The following GPC5 variants were observed in gnomAD, a reference collection of about 807,000 sequenced individuals.
GPC5 encodes the protein glypican 5.
A neutral mutation model predicts 53.9 loss-of-function variants in GPC5; 47 were observed. The ratio of observed to expected loss-of-function variants is 0.87; its 90% CI spans 0.69 to 1.11. GPC5 has a LOEUF of 1.11. Ranked by LOEUF, GPC5 falls within the 50% of genes most tolerant of loss-of-function variation. The pLI is 0.00. For missense variants in GPC5, 748 were observed against 713.1 expected (o/e 1.05, Z -0.56); for synonymous variants, 286 against 263.3 (o/e 1.09, Z -0.84).
At chr13:92,444,940 C>T (rs1482687714) in intron 7 of GPC5, among the ~76,000 whole-genome samples, 4 of 152,050 alleles carry the variant, frequency 2.6e-5, no homozygotes, top group African/African-American at 7.2e-5. Context: ...TATCAATGAT[C>T]TTAGCAGGTG....
intron 7 of GPC5, among the ~76,000 whole-genome samples, chr13:92,698,043 C>A (rs893177382): frequency 2.3e-4 from 35 of 152,022 alleles, no homozygotes; most frequent in African/African-American, 8.2e-4. Flanking sequence ...ATCCCAGGGA[C>A]GAAGCTGACT....
At chr13:91,759,415 A>C (rs2037363412) in intron 5 of GPC5, among the ~76,000 whole-genome samples, 1 of 152,072 alleles carries the variant, frequency 6.6e-6, no homozygotes, top group Non-Finnish European at 1.5e-5. Context: ...AAAATGTACA[A>C]TAAATTATTG....
At chr13:92,808,387 G>A (rs1422616555) in intron 7 of GPC5, among the ~76,000 whole-genome samples, 4 of 152,026 alleles carry the variant, frequency 2.6e-5, no homozygotes, top group African/African-American at 4.8e-5. Context: ...CCAAGTAATA[G>A]CAGAGAGTTC....
At chr13:92,214,276 A>G (rs1485022865) in intron 7 of GPC5, among the ~76,000 whole-genome samples, 1 of 152,222 alleles carries the variant, frequency 6.6e-6, no homozygotes, top group Non-Finnish European at 1.5e-5. Context: ...GTTTCTTACA[A>G]ATGACTTTAA....
intron 1 of GPC5, among the ~76,000 whole-genome samples, chr13:91,428,132 A>T (rs554467373): frequency 2.6e-5 from 4 of 152,230 alleles, no homozygotes; most frequent in Middle Eastern, 3.4e-3. Flanking sequence ...CTATTGTTGC[A>T]GTTTCTTTGC....
chr13:91,936,877 A>T (rs1413942386), intron 6 of GPC5, among the ~76,000 whole-genome samples: 1 of 152,008 alleles, frequency 6.6e-6, no homozygotes, highest in Non-Finnish European at 1.5e-5. Context: ...TTTCCAAGCC[A>T]GTCATCCATT....
At chr13:92,479,391 C>T (rs117661314) in intron 7 of GPC5, among the ~76,000 whole-genome samples, 226 of 152,260 alleles carry the variant, frequency 1.5e-3, no homozygotes, top group Non-Finnish European at 2.7e-3. Context: ...ACATTTTGGA[C>T]AAGAACAGAA....
intron 6 of GPC5, among the ~76,000 whole-genome samples, chr13:92,113,812 TA>T (rs1406335377): frequency 6.7e-6 from 1 of 149,204 alleles, no homozygotes; most frequent in Non-Finnish European, 1.5e-5. Context: ...TAAATAAGTA[TA>T]AAGAAGAATT....
At chr13:91,572,001 A>G (rs185740394) in intron 2 of GPC5, among the ~76,000 whole-genome samples, 1 of 143,996 alleles carries the variant, frequency 6.9e-6, no homozygotes, top group African/African-American at 2.5e-5. Context: ...GTATATGTGT[A>G]TATATGCATA....
intron 7 of GPC5, among the ~76,000 whole-genome samples, chr13:92,724,168 TAG>T (rs1214098599): frequency 2.0e-5 from 3 of 151,536 alleles, no homozygotes; most frequent in African/African-American, 7.2e-5. Flanking sequence ...AAAATTATTC[TAG>T]GTCAAAAAAT....
At chr13:92,625,835 T>A (rs1487656298) in intron 7 of GPC5, among the ~76,000 whole-genome samples, 4 of 152,206 alleles carry the variant, frequency 2.6e-5, no homozygotes, top group African/African-American at 7.2e-5. Context: ...GACAGAGGCA[T>A]CCTTGAGACT....
At chr13:92,681,498 C>T (rs1485246381) in intron 7 of GPC5, among the ~76,000 whole-genome samples, 1 of 151,998 alleles carries the variant, frequency 6.6e-6, no homozygotes, top group Non-Finnish European at 1.5e-5. Context: ...CCATCCCCAC[C>T]TGTAATCCAG....
At position 91,620,671 on chromosome 13, in the gene GPC5, G is replaced by T. The variant is rs192980052; in HGVS notation, c.326-72516G>T. ...GGCCATGATGCCTCTGAATATGCTA[G>T]CTGCCAGGCTTGTAGATTTTCATCT... On this transcript the variant is annotated intron_variant, in intron 2 of 7. Coordinates refer to ENST00000377067, the MANE Select transcript of GPC5 (RefSeq NM_004466.6). Among the ~76,000 whole-genome samples, 5 of 152,244 alleles carry T rather than the reference G, an allele frequency of 3.3e-5. No homozygotes were observed. The East Asian group carries it at 9.7e-4, about 29-fold the overall frequency.
intron 6 of GPC5, among the ~76,000 whole-genome samples, chr13:92,051,503 A>G (rs1444276407): frequency 1.3e-5 from 2 of 151,686 alleles, no homozygotes; most frequent in Non-Finnish European, 2.9e-5. Flanking sequence ...CCCGGACGAG[A>G]CTGCATTTCT....
intron 7 of GPC5, among the ~76,000 whole-genome samples, chr13:92,445,695 T>C (rs540489829): frequency 1.4e-4 from 21 of 152,032 alleles, no homozygotes; most frequent in African/African-American, 5.1e-4. Context: ...TGTGCCACAT[T>C]TTCTTAATCC....
chr13:92,612,137 A>T (rs1319151839), intron 7 of GPC5, among the ~76,000 whole-genome samples: 22 of 152,110 alleles, frequency 1.4e-4, no homozygotes, highest in Admixed American at 1.4e-3. Context: ...AGTTCTTTGA[A>T]GGGAGGTTAA....
At chr13:91,697,235 C>T (rs1233543130) in intron 3 of GPC5, among the ~76,000 whole-genome samples, 4 of 152,074 alleles carry the variant, frequency 2.6e-5, no homozygotes, top group Non-Finnish European at 4.4e-5. Flanking sequence ...CTCTACCTCC[C>T]GGGTTCAAAC....
At chr13:91,752,248 A>G (rs1288167922) in intron 4 of GPC5, among the ~76,000 whole-genome samples, 1 of 152,048 alleles carries the variant, frequency 6.6e-6, no homozygotes, top group Non-Finnish European at 1.5e-5. Context: ...GTATGTATGT[A>G]TGTATATATG....
chr13:91,977,975 G>A (rs1312980236), intron 6 of GPC5, among the ~76,000 whole-genome samples: 3 of 146,726 alleles, frequency 2.0e-5, no homozygotes, highest in Non-Finnish European at 4.5e-5. Context: ...AAGAAAGAAA[G>A]AAAGAAAGAA....
Sources: allele counts gnomAD v4.1 joint callset (sites outside exome capture counted in the v4.1 genomes callset), GRCh38; gene constraint gnomAD v4.1.1; transcripts MANE v1.5; gene names NCBI Gene and HGNC (gene_info 2026-07-23, HGNC 2026-07-21).